Variants in WWOX observed in about 807,000 individuals in gnomAD.
WWOX encodes WW domain containing oxidoreductase.
Under a neutral mutation model 46.2 loss-of-function variants are expected in WWOX, and 69 were observed. That is an observed-to-expected ratio of 1.49 (90% CI 1.23 to 1.82). The LOEUF (loss-of-function observed/expected upper bound fraction) is 1.82. WWOX is among the 40% of genes most tolerant of loss of function. WWOX has a pLI of 0.00. For synonymous variants in WWOX, 359 were observed against 202.6 expected (o/e 1.77, Z -6.56); for missense variants, 919 against 542.6 (o/e 1.69, Z -6.89).
intron 8 of WWOX, among the ~76,000 whole-genome samples, chr16:79,163,752 G>A (rs757637866): frequency 5.6e-5 from 8 of 142,414 alleles, no homozygotes; most frequent in Admixed American, 4.2e-4. Context: ...AGCTGAGATC[G>A]TGCCATTGCA....
chr16:78,235,920 C>T (rs1358871545), intron 5 of WWOX, among the ~76,000 whole-genome samples: 1 of 152,310 alleles, frequency 6.6e-6, no homozygotes, highest in South Asian at 2.1e-4. Flanking sequence ...CTGGGCATGG[C>T]CTTTTTCTCT....
intron 6 of WWOX, among the ~76,000 whole-genome samples, chr16:78,388,397 A>G (rs1013807878): frequency 6.6e-6 from 1 of 152,152 alleles, no homozygotes; most frequent in African/African-American, 2.4e-5. Context: ...CTGTAATCCC[A>G]GCAGTTTGGG....
intron 8 of WWOX, among the ~76,000 whole-genome samples, chr16:78,710,970 G>A (rs1342757247): frequency 1.3e-5 from 2 of 152,112 alleles, no homozygotes; most frequent in African/African-American, 4.8e-5. Flanking sequence ...TTTTGTGCTT[G>A]CTTATTTATT....
intron 8 of WWOX, among the ~76,000 whole-genome samples, chr16:79,037,675 G>T (rs923652350): frequency 2.0e-5 from 3 of 152,174 alleles, no homozygotes; most frequent in Non-Finnish European, 4.4e-5. Flanking sequence ...TTAGTGAAAG[G>T]TTATTAAATA....
In WWOX at chr16:78,502,490, T is replaced by A. The variant is rs1031199530; in HGVS notation, c.1056+69738T>A. 3.9e-5 allele frequency among the ~76,000 whole-genome samples: 6 copies of A among 152,232 alleles called. No homozygotes were observed. In the East Asian group the frequency reaches 7.7e-4, roughly 20 times the overall value. ...CTCTTAGCATCATGTTTTGAAAGTTTATCCCTGCGACAGCATCTACCAGTT... is the reference window on the plus strand; with the variant it reads ...CTCTTAGCATCATGTTTTGAAAGTTAATCCCTGCGACAGCATCTACCAGTT... On this transcript the variant is annotated intron_variant, in intron 8 of 8. Coordinates refer to ENST00000566780, the MANE Select transcript of WWOX (RefSeq NM_016373.4).
intron 8 of WWOX, among the ~76,000 whole-genome samples, chr16:79,164,939 T>C (rs1329663671): frequency 6.6e-6 from 1 of 152,044 alleles, no homozygotes; most frequent in African/African-American, 2.4e-5. Flanking sequence ...AAAGATACCC[T>C]GTTGTTATTC....
At chr16:78,834,636 G>A (rs1484465182) in intron 8 of WWOX, among the ~76,000 whole-genome samples, 1 of 152,118 alleles carries the variant, frequency 6.6e-6, no homozygotes, top group Non-Finnish European at 1.5e-5. Flanking sequence ...CAGGGTTCCA[G>A]GAATTCTTGA....
At chr16:78,642,403 C>G (rs867820656) in intron 8 of WWOX, among the ~76,000 whole-genome samples, 2 of 152,186 alleles carry the variant, frequency 1.3e-5, no homozygotes, top group Admixed American at 6.5e-5. Flanking sequence ...CAAAGTCTCT[C>G]TCCTTGCTTC....
At chr16:78,462,552 T>C (rs570542121) in intron 8 of WWOX, among the ~76,000 whole-genome samples, 19 of 152,328 alleles carry the variant, frequency 1.2e-4, no homozygotes, top group African/African-American at 4.1e-4. Flanking sequence ...CTTCAGTGTC[T>C]GCAAATGACA....
chr16:78,881,054 G>C (rs1013780949), intron 8 of WWOX, among the ~76,000 whole-genome samples: 2 of 148,388 alleles, frequency 1.3e-5, no homozygotes, highest in African/African-American at 5.0e-5. Context: ...TGTGGTGGCA[G>C]GATCACGGCT....
chr16:78,200,493 TCTTGTCCAGGTG>T (rs1389588739), intron 5 of WWOX, among the ~76,000 whole-genome samples: 1 of 150,196 alleles, frequency 6.7e-6, no homozygotes, highest in Non-Finnish European at 1.5e-5. Flanking sequence ...CTCACACTGG[TCTTGTCCAGGTG>T]CTTAGTAGAG....
At chr16:78,877,346 C>T (rs2044254958) in intron 8 of WWOX, among the ~76,000 whole-genome samples, 1 of 151,650 alleles carries the variant, frequency 6.6e-6, no homozygotes, top group Non-Finnish European at 1.5e-5. Context: ...TGTTCTTCTT[C>T]AGCTGTTCCT....
intron 8 of WWOX, among the ~76,000 whole-genome samples, chr16:78,881,874 G>A (rs963707817): frequency 2.0e-5 from 3 of 152,186 alleles, no homozygotes; most frequent in African/African-American, 7.2e-5. Flanking sequence ...TGTAATCCCA[G>A]CACTTTGGTA....
chr16:78,966,994 C>G (rs2046373895), intron 8 of WWOX, among the ~76,000 whole-genome samples: 3 of 152,272 alleles, frequency 2.0e-5, no homozygotes, highest in Non-Finnish European at 4.4e-5. Context: ...TTATTATTGT[C>G]TCCACTGGAA....
At chr16:78,099,930 A>ACAGCCCACGGACGCCACCTGCG in intron 1 of WWOX, 45 bp downstream of exon 1, 1 of 1,545,154 alleles carries the variant, frequency 6.5e-7, no homozygotes, top group Non-Finnish European at 8.7e-7. Flanking sequence ...GGGACCCTGC[A>ACAGCCCACGGACGCCACCTGCG]CAGCCCACGG....
intron 5 of WWOX, among the ~76,000 whole-genome samples, chr16:78,196,292 T>A (rs757679305): frequency 6.6e-6 from 1 of 152,226 alleles, no homozygotes; most frequent in Non-Finnish European, 1.5e-5. Context: ...TACTAAGTGT[T>A]TATAGTACAT....
chr16:79,099,375 G>A (rs181392130), intron 8 of WWOX, among the ~76,000 whole-genome samples: 19 of 152,320 alleles, frequency 1.2e-4, no homozygotes, highest in African/African-American at 3.8e-4. Flanking sequence ...AAGGTCCCGT[G>A]ACAATTAGCC....
In WWOX at chr16:78,342,403, C is replaced by A. The variant is rs1341019463; in HGVS notation, c.517-44457C>A. ...ACTGTCTTGGAGCTACACTCTAAAA[C>A]AAATAGCCTCCAAAGTCAAGGACTC... On this transcript the variant is annotated intron_variant, in intron 5 of 8. Transcript: ENST00000566780. Among the ~76,000 whole-genome samples the A allele has an allele frequency of 7.4e-5, 9 of 121,166 alleles. 2 individuals are homozygous for A. Among genetic ancestry groups the A allele is most frequent in the African/African-American group, 2.5e-4 (9 of 35,790 alleles). The allele number at this position is 121,166 out of a possible 152,430, so 79.5% of individuals were successfully genotyped here. A position where few individuals can be genotyped will look rare whatever the true frequency, so the allele number is the denominator to read the frequency against.
intron 8 of WWOX, among the ~76,000 whole-genome samples, chr16:78,947,699 C>G (rs531157423): frequency 3.9e-5 from 6 of 152,322 alleles, no homozygotes; most frequent in African/African-American, 1.4e-4. Context: ...TGTCCCCTCA[C>G]TTAGCCCCTT....
Sources: gnomAD v4.1 joint callset for allele counts (sites outside exome capture counted in the v4.1 genomes callset) on GRCh38, gnomAD v4.1.1 for gene constraint, MANE v1.5 for transcripts, NCBI Gene and HGNC (gene_info 2026-07-23, HGNC 2026-07-21) for gene names.